The following WDR33 variants were observed in gnomAD, a reference collection of about 807,000 sequenced individuals.
WDR33 encodes the protein pre-mRNA 3' end processing protein WDR33.
A neutral mutation model predicts 164.9 loss-of-function variants in WDR33; 47 were observed. The observed-to-expected ratio is 0.29, with a 90% CI of 0.23 to 0.36. The LOEUF is 0.36. Ranked by LOEUF, WDR33 falls within the 10% of genes least tolerant of loss-of-function variation. The pLI, the probability that WDR33 is intolerant of heterozygous loss-of-function variation, is 1.00. For missense variants in WDR33, 1,137 were observed against 1,754.1 expected (o/e 0.65, Z 6.28); for synonymous variants, 505 against 589.0 (o/e 0.86, Z 2.06).
Position 127,706,671 on chromosome 2 carries a change from C to T in WDR33, c.3782-119G>A, listed in dbSNP as rs1686023547. 1.1e-6 allele frequency: 1 copy of T among 870,302 alleles called. No homozygotes were observed. The highest frequency in any genetic ancestry group is 1.7e-5 in the African/African-American group (1 of 58,362). 53.9% of individuals were successfully genotyped at this position (870,302 alleles called of 1,614,324 possible). ...CCAGTTCTGGTGGGTGCCAGGGAGA[C>T]TGGCAGTGGTATTCAGCGTACTGAG... On this transcript the variant is annotated intron_variant, in intron 21 of 21. Coordinates refer to ENST00000322313, the MANE Select transcript of WDR33 (RefSeq NM_018383.5). This position sits in a 1 kb window ranked among gnomAD's most constrained non-coding sequence, Gnocchi z 5.1.
Position 127,706,550 on chromosome 2 carries a change from G to A in WDR33, c.3784C>T (p.Arg1262Ter). 1.3e-6 allele frequency: 2 copies of A among 1,586,494 alleles called. No homozygotes were observed. The highest frequency in any genetic ancestry group is 1.7e-6 in the Non-Finnish European group (2 of 1,171,914). ...CTCTGAGCAGGTCCTGGGCCCCCTC[G>A]GCCTGAAACAAAGAAAATTTCACAT... Reference protein sequence around the residue: ...GPSEDRGGKGRGGPGPAQRVP... With the variant: ...GPSEDRGGKG The change falls in exon 22 of 22, where the codon CGA becomes TGA. Residue 1262 changes from arginine to a stop codon, truncating the protein, a stop_gained and splice_region_variant. Transcript: ENST00000322313. LOFTEE classifies it high-confidence loss of function. The surrounding 1 kb of genome is among the most constrained non-coding windows in gnomAD (Gnocchi z 5.1).
chr2:127,701,954 GT>G lies in WDR33; in HGVS notation c.*4368del. On this transcript the variant is annotated 3_prime_UTR_variant, in exon 22 of 22. Transcript: ENST00000322313. ...GCCTGCTGCGCTGCGAAGAAGCGCC[GT>G]CCCGGCCCGCGCTGCTCTACATGGC... 1 of 1,401,694 alleles carries G rather than the reference GT, an allele frequency of 7.1e-7. No individual in the cohort carries two copies. The highest frequency in any genetic ancestry group is 3.3e-5 in the Admixed American group (1 of 30,216). The allele number at this position is 1,401,694 out of a possible 1,614,324, so 86.8% of individuals were successfully genotyped here.
rs932139838 is a variant in WDR33 at position 127,701,426 on chromosome 2, C to A, written c.*4897G>T. 30 of 1,136,416 alleles carry A rather than the reference C, an allele frequency of 2.6e-5. No individual in the cohort carries two copies. The African/African-American group carries it at 4.7e-4, about 18-fold the overall frequency. 70.4% of individuals were successfully genotyped at this position (1,136,416 alleles called of 1,614,324 possible). A position where few individuals can be genotyped will look rare whatever the true frequency, so the allele number is the denominator to read the frequency against. On this transcript the variant is annotated 3_prime_UTR_variant, in exon 22 of 22. Coordinates refer to ENST00000322313, the MANE Select transcript of WDR33 (RefSeq NM_018383.5). ...TTCCGCGAGCGCCGCAGGCCCTGCC[C>A]CTTTCGCCGTCGCCGACCAATTGCC...
chr2:127,709,395 G>C lies in WDR33; in HGVS notation c.3565+95C>G. On this transcript the variant is annotated intron_variant, in intron 20 of 21. Coordinates refer to ENST00000322313, the MANE Select transcript of WDR33 (RefSeq NM_018383.5). The surrounding 1 kb of genome is among the most constrained non-coding windows in gnomAD (Gnocchi z 5.0). ...CCAGCCCCCCGGGAGACATGAGCTG[G>C]AAAGAGGAGACCCGGTGCACCCCAG... The C allele has an allele frequency of 1.6e-6, 2 of 1,227,670 alleles. No homozygotes were observed. Among genetic ancestry groups the C allele is most frequent in the Non-Finnish European group, 2.4e-6 (2 of 842,092 alleles). 76.0% of individuals were successfully genotyped at this position (1,227,670 alleles called of 1,614,324 possible). A position where few individuals can be genotyped will look rare whatever the true frequency, so the allele number is the denominator to read the frequency against.
chr2:127,807,077 T>C (rs1689464534), intron 1 of WDR33, among the ~76,000 whole-genome samples: 1 of 152,178 alleles, frequency 6.6e-6, no homozygotes, highest in Admixed American at 6.5e-5. Flanking sequence ...CAATCTCAGC[T>C]CACTGCAACC....
At position 127,763,459 on chromosome 2, in the gene WDR33, C is replaced by T. The variant is rs1390903985; in HGVS notation, c.627-300G>A. On this transcript the variant is annotated intron_variant, in intron 6 of 21. Transcript: ENST00000322313. This position sits in a 1 kb window ranked among gnomAD's most constrained non-coding sequence, Gnocchi z 4.5. ...TATTTTCTATGATACGAGGAAATCACATGAAGCTGCCTTAAGTGGTGAAAA... is the reference window on the plus strand; with the variant it reads ...TATTTTCTATGATACGAGGAAATCATATGAAGCTGCCTTAAGTGGTGAAAA... 8 of 1,125,494 alleles carry T rather than the reference C, an allele frequency of 7.1e-6. No individual in the cohort carries two copies. Among genetic ancestry groups the T allele is most frequent in the Non-Finnish European group, 8.7e-6 (8 of 916,138 alleles). 69.7% of individuals were successfully genotyped at this position (1,125,494 alleles called of 1,614,324 possible). A position where few individuals can be genotyped will look rare whatever the true frequency, so the allele number is the denominator to read the frequency against.
At chr2:127,773,871 C>G (rs1253309272) in intron 1 of WDR33, among the ~76,000 whole-genome samples, 1 of 151,984 alleles carries the variant, frequency 6.6e-6, no homozygotes, top group Non-Finnish European at 1.5e-5. Flanking sequence ...TTAAGCAACC[C>G]TCCCACCTCA....
chr2:127,743,758 G>T (rs1267662771), intron 7 of WDR33, among the ~76,000 whole-genome samples: 2 of 152,160 alleles, frequency 1.3e-5, no homozygotes, highest in Non-Finnish European at 2.9e-5. Flanking sequence ...AAGCTATAAA[G>T]AAAACCACTG....
intron 7 of WDR33, chr2:127,736,347 T>C: frequency 3.0e-6 from 3 of 985,438 alleles, no homozygotes; most frequent in Non-Finnish European, 3.6e-6. Context: ...TAATGTGTAT[T>C]TCTTTACTGA....
In WDR33 at chr2:127,714,666, G is replaced by A. The variant is rs115719500; in HGVS notation, c.2870-645C>T. The stretch of plus-strand genomic sequence containing the variant: ...TACAATATTCTCACCATTCTTTGAA[G>A]ACAGTGTTTGGAATCCCACTAAAGT... On this transcript the variant is annotated intron_variant, in intron 17 of 21. Coordinates refer to ENST00000322313, the MANE Select transcript of WDR33 (RefSeq NM_018383.5). This position sits in a 1 kb window ranked among gnomAD's most constrained non-coding sequence, Gnocchi z 4.3. 8.0e-4 allele frequency among the ~76,000 whole-genome samples: 122 copies of A among 152,302 alleles called. No homozygotes were observed. The highest frequency in any genetic ancestry group is 1.4e-3 in the Admixed American group (21 of 15,306).
intron 1 of WDR33, among the ~76,000 whole-genome samples, chr2:127,777,068 A>G (rs1688209986): frequency 6.6e-6 from 1 of 152,238 alleles, no homozygotes; most frequent in African/African-American, 2.4e-5. Flanking sequence ...AGGGTGCAAG[A>G]GAGAGGAACT....
At chr2:127,777,020 G>C (rs1296151861) in intron 1 of WDR33, among the ~76,000 whole-genome samples, 1 of 152,214 alleles carries the variant, frequency 6.6e-6, no homozygotes, top group African/African-American at 2.4e-5. Flanking sequence ...CTTACATCCA[G>C]GGTGGAGAGG....
At chr2:127,769,625 G>A (rs1687932974) in intron 2 of WDR33, among the ~76,000 whole-genome samples, 1 of 152,030 alleles carries the variant, frequency 6.6e-6, no homozygotes, top group Non-Finnish European at 1.5e-5. Flanking sequence ...CTCATATCTT[G>A]CCCTTGGTCT....
chr2:127,799,641 A>G (rs1345247026), intron 1 of WDR33, among the ~76,000 whole-genome samples: 1 of 151,748 alleles, frequency 6.6e-6, no homozygotes, highest in Non-Finnish European at 1.5e-5. Context: ...CTAAAAATAC[A>G]AAAATTAGCC....
chr2:127,725,818 C>T lies in WDR33; in HGVS notation c.852-603G>A, dbSNP rs189306742. Among the ~76,000 whole-genome samples the T allele has an allele frequency of 2.2e-3, 337 of 151,268 alleles. 1 individual carries two copies. The highest frequency in any genetic ancestry group is 3.7e-3 in the Admixed American group (56 of 15,220). On this transcript the variant is annotated intron_variant, in intron 8 of 21. Coordinates refer to ENST00000322313, the MANE Select transcript of WDR33 (RefSeq NM_018383.5). Reference sequence around the variant, plus strand: ...CTTCCACTGAACAGTAAAATTTATCCGTGAAGCAGGGGAAGCACATGAACA... The same window carrying T: ...CTTCCACTGAACAGTAAAATTTATCTGTGAAGCAGGGGAAGCACATGAACA...
At chr2:127,740,530 T>A (rs1043875900) in intron 7 of WDR33, among the ~76,000 whole-genome samples, 1 of 152,050 alleles carries the variant, frequency 6.6e-6, no homozygotes, top group Non-Finnish European at 1.5e-5. Flanking sequence ...TGGGTGAGAG[T>A]GAGATCCTGT....
In WDR33 at chr2:127,702,463, C is replaced by T. The variant is rs1685918004; in HGVS notation, c.*3860G>A. The T allele has an allele frequency of 4.2e-6, 1 of 236,186 alleles. No individual in the cohort carries two copies. Among genetic ancestry groups the T allele is most frequent in the East Asian group, 1.0e-4 (1 of 9,854 alleles). 14.6% of individuals were successfully genotyped at this position (236,186 alleles called of 1,614,324 possible). A position where few individuals can be genotyped will look rare whatever the true frequency, so the allele number is the denominator to read the frequency against. ...TGAGACGGTTATTAGAAGTTGCTTT[C>T]GAAGTAACTGTGGTCTTAGGTTCGG... On this transcript the variant is annotated 3_prime_UTR_variant, in exon 22 of 22. Transcript: ENST00000322313.
At position 127,722,747 on chromosome 2, in the gene WDR33, A is replaced by C; in HGVS notation, c.1379-17T>G. On this transcript the variant is annotated splice_polypyrimidine_tract_variant and intron_variant, in intron 13 of 21. Transcript: ENST00000322313. The surrounding 1 kb of genome is among the most constrained non-coding windows in gnomAD (Gnocchi z 5.1). ...CATCTTTCCCTGTAACCGTAAAGAA[A>C]AGTGGTTTGCCTCTTAAATAAAAGA... The C allele has an allele frequency of 6.2e-7, 1 of 1,611,454 alleles. No individual in the cohort carries two copies. The highest frequency in any genetic ancestry group is 8.5e-7 in the Non-Finnish European group (1 of 1,179,040).
intron 1 of WDR33, among the ~76,000 whole-genome samples, chr2:127,772,853 T>A (rs1688053423): frequency 6.6e-6 from 1 of 151,776 alleles, no homozygotes; most frequent in Non-Finnish European, 1.5e-5. Flanking sequence ...CCAGGCATGG[T>A]GGCTCACATC....
Sources: gnomAD v4.1 joint callset for allele counts (sites outside exome capture counted in the v4.1 genomes callset) on GRCh38, gnomAD v4.1.1 for gene constraint, Gnocchi (gnomAD v3.1) non-coding constraint, MANE v1.5 for transcripts, NCBI Gene and HGNC (gene_info 2026-07-23, HGNC 2026-07-21) for gene names.